Variants in CYP4A22 observed in about 807,000 individuals in gnomAD.
The protein encoded by CYP4A22 is cytochrome P450 4A22.
In CYP4A22, 46 loss-of-function variants were observed where a neutral mutation model predicts 56.2. The observed-to-expected ratio is 0.82, with a 90% CI of 0.65 to 1.05. The LOEUF is 1.05. CYP4A22 is among the 50% of genes least tolerant of loss of function. CYP4A22 has a pLI of 0.00. For missense variants in CYP4A22, 541 were observed against 645.9 expected (o/e 0.84, Z 1.76); for synonymous variants, 193 against 251.1 (o/e 0.77, Z 2.19).
chr1:47,142,052 C>T (rs1217354029), intron 3 of CYP4A22, 56 bp from the exon 4 acceptor site: 2 of 1,565,126 alleles, frequency 1.3e-6, no homozygotes, highest in African/African-American at 2.7e-5. Flanking sequence ...ACCAGTCATC[C>T]CTAGGTCCGT....
In CYP4A22 at chr1:47,144,404, C is replaced by G. The variant is rs1645050496; in HGVS notation, c.838C>G (p.Leu280Val). 1 of 1,613,812 alleles carries G rather than the reference C, an allele frequency of 6.2e-7. No individual in the cohort carries two copies. Among genetic ancestry groups the G allele is most frequent in the African/African-American group, 1.3e-5 (1 of 74,916 alleles). ...GGCTCAACTACAGAAGGAGGGGGAG[C>G]TGGAGAAGATCAAGAGGAAGAGGCA... ...RKAQLQKEGE[L>V]EKIKRKRHLD... Residue 280 changes from leucine to valine, a missense_variant, in exon 7 of 12, where the codon CTG becomes GTG. Transcript: ENST00000371891.
At position 47,137,626 on chromosome 1, in the gene CYP4A22, C is replaced by T; in HGVS notation, c.141C>T (p.Ala47=). The part of the protein sequence containing the change: ...LYLHRQWLLK[A]LQQFPCPPSH... Reference sequence around the variant, plus strand: ...TGCATAGGCAGTGGCTGCTCAAAGCCCTCCAGCAGTTCCCGTGCCCTCCCT... The same window carrying T: ...TGCATAGGCAGTGGCTGCTCAAAGCTCTCCAGCAGTTCCCGTGCCCTCCCT... Residue 47 remains alanine (A), a synonymous_variant, in exon 1 of 12, where the codon GCC becomes GCT. Coordinates refer to ENST00000371891, the MANE Select transcript of CYP4A22 (RefSeq NM_001010969.4). 1.2e-6 allele frequency: 2 copies of T among 1,614,124 alleles called. No individual in the cohort carries two copies. The highest frequency in any genetic ancestry group is 1.7e-6 in the Non-Finnish European group (2 of 1,179,976).
chr1:47,143,819 T>C lies in CYP4A22; in HGVS notation c.693T>C (p.Cys231=). 6.2e-7 allele frequency: 1 copy of C among 1,614,122 alleles called. No individual in the cohort carries two copies. The highest frequency in any genetic ancestry group is 8.5e-7 in the Non-Finnish European group (1 of 1,179,998). The part of the protein sequence containing the change: ...ISDLNSLVFC[C]MRNAFHENDT... ...ACCTGAACAGCCTGGTTTTTTGCTG[T>C]ATGAGGAATGCCTTTCATGAGAATG... The change falls in exon 6 of 12, where the codon TGT becomes TGC. Residue 231 remains cysteine (C), a synonymous_variant. Transcript: ENST00000371891.
At chr1:47,145,524 G>A (rs1645066532) in intron 9 of CYP4A22, among the ~76,000 whole-genome samples, 1 of 152,190 alleles carries the variant, frequency 6.6e-6, no homozygotes, top group African/African-American at 2.4e-5. Flanking sequence ...GCAAAAGAAT[G>A]TCTTCCTTGG....
intron 6 of CYP4A22, among the ~76,000 whole-genome samples, 165 bp downstream of exon 6, chr1:47,144,081 G>A (rs35087373): frequency 5.4e-4 from 83 of 152,296 alleles, no homozygotes; most frequent in South Asian, 5.2e-3. Context: ...GTGAGGGGCC[G>A]GATTCTGTGC....
At chr1:47,143,426 G>A in intron 5 of CYP4A22, 33 bp downstream of exon 5, 1 of 1,550,958 alleles carries the variant, frequency 6.4e-7, no homozygotes, top group Non-Finnish European at 8.7e-7. Flanking sequence ...CAGGGCCCTT[G>A]TTCTTATCAA....
rs1645071228 is a variant in CYP4A22, at chr1:47,145,948, G to A, written c.1287+18G>A. 6.2e-7 allele frequency: 1 copy of A among 1,614,102 alleles called. No individual in the cohort carries two copies. Among genetic ancestry groups the A allele is most frequent in the Non-Finnish European group, 8.5e-7 (1 of 1,180,010 alleles). ...ACCTAGAGGTATGTGGTCCTTGAGA[G>A]GAGGAAATGGGGTGATCTCTCAAGA... On this transcript the variant is annotated intron_variant, in intron 10 of 11. Coordinates refer to ENST00000371891, the MANE Select transcript of CYP4A22 (RefSeq NM_001010969.4).
At chr1:47,140,295 G>C (rs963563249) in intron 1 of CYP4A22, among the ~76,000 whole-genome samples, 2 of 151,804 alleles carry the variant, frequency 1.3e-5, no homozygotes, top group Admixed American at 1.3e-4. Flanking sequence ...ATCTTTTTTT[G>C]CTTAGCCATA....
At chr1:47,145,272 T>G (rs1460200311) in intron 9 of CYP4A22, among the ~76,000 whole-genome samples, 1 of 152,194 alleles carries the variant, frequency 6.6e-6, no homozygotes, top group African/African-American at 2.4e-5. Context: ...AGGGATGTGT[T>G]TCTTTCCTCA....
chr1:47,148,396 C>A (rs1645097565), intron 11 of CYP4A22, among the ~76,000 whole-genome samples: 2 of 152,028 alleles, frequency 1.3e-5, no homozygotes, highest in Admixed American at 1.3e-4. Context: ...AGGAGTTAGC[C>A]CAGGAAGACG....
At chr1:47,138,278 G>T (rs1462505803) in intron 1 of CYP4A22, among the ~76,000 whole-genome samples, 1 of 152,188 alleles carries the variant, frequency 6.6e-6, no homozygotes, top group East Asian at 1.9e-4. Context: ...CACAACAGGT[G>T]ATTTAGGACC....
chr1:47,141,608 A>G lies in CYP4A22; in HGVS notation c.375A>G (p.Pro125=). The change falls in exon 3 of 12, where the codon CCA becomes CCG. Residue 125 remains proline, a synonymous_variant. Transcript: ENST00000371891. The stretch of plus-strand genomic sequence containing the variant: ...ATGGATCCTACAAATTCCTGGCTCC[A>G]CGGATTGGTATGTGTGCAAACTAGG... ...KSHGSYKFLA[P]RIGYGLLLLN... 2 of 1,613,758 alleles carry G rather than the reference A, an allele frequency of 1.2e-6. No homozygotes were observed. Among genetic ancestry groups the G allele is most frequent in the Non-Finnish European group, 1.7e-6 (2 of 1,179,766 alleles).
rs762698461 is a variant in CYP4A22 at position 47,145,962 on chromosome 1, G to A, written c.1287+32G>A. 3 of 1,614,070 alleles carry A rather than the reference G, an allele frequency of 1.9e-6. No homozygotes were observed. In the East Asian group the frequency reaches 6.7e-5, roughly 36 times the overall value. ...GGTCCTTGAGAGGAGGAAATGGGGT[G>A]ATCTCTCAAGACCAATACCTTCTCC... On this transcript the variant is annotated intron_variant, in intron 10 of 11. Coordinates refer to ENST00000371891, the MANE Select transcript of CYP4A22 (RefSeq NM_001010969.4).
At chr1:47,141,508 T>A in intron 2 of CYP4A22, 63 bp from the exon 3 acceptor site, 3 of 1,573,014 alleles carry the variant, frequency 1.9e-6, no homozygotes, top group Non-Finnish European at 2.6e-6. Flanking sequence ...GAACTGATGC[T>A]GCCTCTGAGA....
intron 1 of CYP4A22, among the ~76,000 whole-genome samples, 188 bp downstream of exon 1, chr1:47,137,868 C>T (rs192848744): frequency 6.6e-6 from 1 of 152,220 alleles, no homozygotes; most frequent in Non-Finnish European, 1.5e-5. Context: ...TGAAGCCCAT[C>T]CTGCTGGTCC....
At position 47,148,582 on chromosome 1, in the gene CYP4A22, A is replaced by G. The variant is rs368925653; in HGVS notation, c.1365-20A>G. 6.3e-7 allele frequency: 1 copy of G among 1,592,392 alleles called. No homozygotes were observed. Among genetic ancestry groups the G allele is most frequent in the Non-Finnish European group, 8.6e-7 (1 of 1,168,650 alleles). ...GGGGCCTGAGGACACGTCTCAATTCATTGTCTCCGCCTGGCCCAGGAACTG... is the reference window on the plus strand; with the variant it reads ...GGGGCCTGAGGACACGTCTCAATTCGTTGTCTCCGCCTGGCCCAGGAACTG... On this transcript the variant is annotated intron_variant, in intron 11 of 11. Transcript: ENST00000371891.
Position 47,137,492 on chromosome 1 carries a change from G to A in CYP4A22, c.7G>A (p.Val3Ile), listed in dbSNP as rs762999985. MS[V>I]SVLSPSRRLG... ...ATCCAGCAGGTGCTGCACCATGAGT[G>A]TCTCTGTCCTGAGCCCCAGCAGACG... The change falls in exon 1 of 12, where the codon GTC becomes ATC. Residue 3 changes from valine (V) to isoleucine (I), a missense_variant. Physicochemically the swap from Val to Ile is conservative, Grantham distance 29 (BLOSUM62 3). Transcript: ENST00000371891. The A allele has an allele frequency of 1.2e-6, 2 of 1,612,330 alleles. No individual in the cohort carries two copies. The highest frequency in any genetic ancestry group is 3.3e-5 in the Admixed American group (2 of 59,910).
At position 47,142,254 on chromosome 1, in the gene CYP4A22, C is replaced by A; in HGVS notation, c.510+19C>A. ...GATGCTGGTGAGTCCATGTCTCTCT[C>A]CTCTCCCCACACCCACTCACAGCAC... On this transcript the variant is annotated intron_variant, in intron 4 of 11. Coordinates refer to ENST00000371891, the MANE Select transcript of CYP4A22 (RefSeq NM_001010969.4). The A allele has an allele frequency of 6.3e-7, 1 of 1,581,562 alleles. No individual in the cohort carries two copies. Among genetic ancestry groups the A allele is most frequent in the South Asian group, 1.2e-5 (1 of 84,622 alleles).
intron 1 of CYP4A22, among the ~76,000 whole-genome samples, chr1:47,139,083 T>C (rs1302844231): frequency 6.6e-6 from 1 of 152,218 alleles, no homozygotes; most frequent in African/African-American, 2.4e-5. Flanking sequence ...TCTTTTACCA[T>C]ATGTTACTCA....
Sources: gnomAD v4.1 joint callset for allele counts (sites outside exome capture counted in the v4.1 genomes callset) on GRCh38, gnomAD v4.1.1 for gene constraint, MANE v1.5 for transcripts, NCBI Gene and HGNC (gene_info 2026-07-23, HGNC 2026-07-21) for gene names.